The following ANKRD44 variants were observed in gnomAD, a reference collection of about 807,000 sequenced individuals.
The protein encoded by ANKRD44 is serine/threonine-protein phosphatase 6 regulatory ankyrin repeat subunit B.
Under a neutral mutation model 116.0 loss-of-function variants are expected in ANKRD44, and 35 were observed. That is an observed-to-expected ratio of 0.30 (90% CI 0.23 to 0.40). ANKRD44 has a LOEUF of 0.40. Ranked by LOEUF, ANKRD44 falls within the 10% of genes least tolerant of loss-of-function variation. The pLI, the probability that ANKRD44 is intolerant of heterozygous loss-of-function variation, is 1.00. For missense variants in ANKRD44, 1,014 were observed against 1,242.6 expected, an observed-to-expected ratio of 0.82 and a Z score of 2.77; for synonymous variants, 435 against 461.8, an observed-to-expected ratio of 0.94 and a Z score of 0.74.
At chr2:196,993,111 A>C (rs1559399967) in intron 27 of ANKRD44, among the ~76,000 whole-genome samples, 2 of 152,184 alleles carry the variant, frequency 1.3e-5, no homozygotes, top group African/African-American at 4.8e-5. Flanking sequence ...CTTGTTCCTC[A>C]CATTTCCATA....
chr2:197,003,411 C>A (rs546797355), intron 21 of ANKRD44, among the ~76,000 whole-genome samples: 4 of 152,246 alleles, frequency 2.6e-5, no homozygotes, highest in African/African-American at 9.6e-5. Flanking sequence ...TCAAGTCTTC[C>A]AAAGGATCTA....
Position 197,079,969 on chromosome 2 carries a change from TAG to T in ANKRD44, c.1539-1157_1539-1156del, listed in dbSNP as rs1487495011. Among the ~76,000 whole-genome samples the T allele has an allele frequency of 9.2e-4, 140 of 152,336 alleles. 1 individual carries two copies. Among genetic ancestry groups the T allele is most frequent in the African/African-American group, 3.3e-3 (139 of 41,580 alleles). On this transcript the variant is annotated intron_variant, in intron 15 of 27. Transcript: ENST00000282272. Reference sequence around the variant, plus strand: ...TGTCAATAATAAATCAAACTATTCTTAGAGTCTTGCTATTATTCTCTCTTCGG... The same window carrying T: ...TGTCAATAATAAATCAAACTATTCTTAGTCTTGCTATTATTCTCTCTTCGG...
chr2:197,272,367 A>G (rs1451882934), intron 1 of ANKRD44, among the ~76,000 whole-genome samples: 1 of 151,928 alleles, frequency 6.6e-6, no homozygotes, highest in Non-Finnish European at 1.5e-5. Context: ...CCTCCTAAGT[A>G]GCTGGGACTA....
intron 1 of ANKRD44, chr2:197,296,350 T>C (rs1181801939): frequency 6.6e-6 from 1 of 152,228 alleles, no homozygotes; most frequent in African/African-American, 2.4e-5. Context: ...ACAGCTCTGG[T>C]TGTTTCTTTT....
At chr2:197,012,895 C>G (rs908745313) in intron 18 of ANKRD44, among the ~76,000 whole-genome samples, 3 of 152,136 alleles carry the variant, frequency 2.0e-5, no homozygotes, top group African/African-American at 7.2e-5. Flanking sequence ...TCCATATTAC[C>G]CTTATGTCTG....
intron 1 of ANKRD44, among the ~76,000 whole-genome samples, chr2:197,292,159 G>C (rs184494324): frequency 6.6e-6 from 1 of 152,192 alleles, no homozygotes; most frequent in African/African-American, 2.4e-5. Context: ...CTTTATAGTA[G>C]AATGATTCAT....
At chr2:196,969,046 T>C (rs538528294) in intron 21 of ANKRD44, among the ~76,000 whole-genome samples, 7 of 152,298 alleles carry the variant, frequency 4.6e-5, no homozygotes, top group Admixed American at 3.9e-4. Flanking sequence ...ATTCACTTAT[T>C]GAATCATTCA....
chr2:197,220,925 C>T (rs1171166913), intron 1 of ANKRD44, among the ~76,000 whole-genome samples: 1 of 152,142 alleles, frequency 6.6e-6, no homozygotes, highest in Admixed American at 6.5e-5. Flanking sequence ...ACATACTCTC[C>T]TAAGTTAACA....
intron 1 of ANKRD44, among the ~76,000 whole-genome samples, chr2:197,294,715 T>C (rs954667016): frequency 6.6e-6 from 1 of 152,226 alleles, no homozygotes; most frequent in African/African-American, 2.4e-5. Flanking sequence ...TTATTTTTAA[T>C]TGTATAATTT....
At chr2:197,130,427 A>T (rs1203793181) in intron 4 of ANKRD44, among the ~76,000 whole-genome samples, 1 of 152,228 alleles carries the variant, frequency 6.6e-6, no homozygotes, top group Admixed American at 6.5e-5. Context: ...CCAGTGTTTA[A>T]TCTCAGTTCT....
At chr2:197,021,540 T>C (rs970098499) in intron 17 of ANKRD44, among the ~76,000 whole-genome samples, 3 of 152,262 alleles carry the variant, frequency 2.0e-5, no homozygotes, top group Non-Finnish European at 2.9e-5. Flanking sequence ...TTTGCATTTC[T>C]CTGATGACCA....
In ANKRD44 at chr2:197,102,927, T is replaced by C. The variant is rs187565243; in HGVS notation, c.986-2997A>G. Among the ~76,000 whole-genome samples, 456 of 152,248 alleles carry C rather than the reference T, an allele frequency of 3.0e-3. 1 individual carries two copies. The highest frequency in any genetic ancestry group is 0.019 in the East Asian group (96 of 5,186). On this transcript the variant is annotated intron_variant, in intron 9 of 27. Transcript: ENST00000282272. Reference sequence around the variant, plus strand: ...TTTTAATTTTTGATGTTTTTTTCCCTGTCAAAAAAATTTGGGGGGTGGCGG... The same window carrying C: ...TTTTAATTTTTGATGTTTTTTTCCCCGTCAAAAAAATTTGGGGGGTGGCGG...
At chr2:197,109,401 G>A (rs2078513671) in intron 9 of ANKRD44, among the ~76,000 whole-genome samples, 1 of 152,158 alleles carries the variant, frequency 6.6e-6, no homozygotes, top group African/African-American at 2.4e-5. Flanking sequence ...GTTAATTTCT[G>A]TTTTACCTTC....
At chr2:197,150,651 C>T (rs1158999159) in intron 2 of ANKRD44, among the ~76,000 whole-genome samples, 1 of 152,090 alleles carries the variant, frequency 6.6e-6, no homozygotes, top group Non-Finnish European at 1.5e-5. Flanking sequence ...GAAAATGTGA[C>T]GAACATACGG....
At chr2:197,246,187 T>C (rs1233031346) in intron 1 of ANKRD44, among the ~76,000 whole-genome samples, 1 of 151,934 alleles carries the variant, frequency 6.6e-6, no homozygotes, top group Non-Finnish European at 1.5e-5. Flanking sequence ...TATTTTTATT[T>C]ATTTTATTTA....
intron 16 of ANKRD44, among the ~76,000 whole-genome samples, chr2:197,038,976 T>G (rs2124939731): frequency 6.6e-6 from 1 of 152,332 alleles, no homozygotes; most frequent in East Asian, 1.9e-4. Flanking sequence ...TGTTCCCATA[T>G]TATTTTGGAG....
chr2:196,989,804 C>A (rs1381053345), intron 27 of ANKRD44, 155 bp from the exon 28 acceptor site: 7 of 1,419,008 alleles, frequency 4.9e-6, no homozygotes, highest in Admixed American at 2.7e-5. Flanking sequence ...CTTGGTATGA[C>A]CTTGACTGAG....
chr2:197,302,839 A>C (rs528430333), intron 1 of ANKRD44, among the ~76,000 whole-genome samples: 1 of 152,314 alleles, frequency 6.6e-6, no homozygotes, highest in East Asian at 1.9e-4. Flanking sequence ...TTCAGAAATA[A>C]ACTTGTTAGA....
chr2:197,133,295 T>C (rs1175665496), intron 4 of ANKRD44, among the ~76,000 whole-genome samples: 1 of 152,210 alleles, frequency 6.6e-6, no homozygotes, highest in African/African-American at 2.4e-5. Context: ...TTCCAGTTTG[T>C]CCTTGATCTC....
Sources: gnomAD v4.1 joint callset for allele counts (sites outside exome capture counted in the v4.1 genomes callset) on GRCh38, gnomAD v4.1.1 for gene constraint, MANE v1.5 for transcripts, NCBI Gene and HGNC (gene_info 2026-07-23, HGNC 2026-07-21) for gene names.